The following LHFPL4 variants were observed in gnomAD, a reference collection of about 807,000 sequenced individuals.
The protein encoded by LHFPL4 is LHFPL tetraspan subfamily member 4 protein.
Under a neutral mutation model 20.0 loss-of-function variants are expected in LHFPL4, and 6 were observed. The ratio of observed to expected loss-of-function variants is 0.30; its 90% CI spans 0.16 to 0.59. The LOEUF is 0.59. Ranked by LOEUF, LHFPL4 falls within the 20% of genes least tolerant of loss-of-function variation. The pLI, the probability that LHFPL4 is intolerant of heterozygous loss-of-function variation, is 0.88. For missense variants in LHFPL4, 215 were observed against 331.2 expected, an observed-to-expected ratio of 0.65 and a Z score of 2.72; for synonymous variants, 129 against 143.8, an observed-to-expected ratio of 0.90 and a Z score of 0.74.
intron 2 of LHFPL4, among the ~76,000 whole-genome samples, chr3:9,533,711 A>G (rs2046426157): frequency 6.6e-6 from 1 of 152,086 alleles, no homozygotes; most frequent in African/African-American, 2.4e-5. Flanking sequence ...GAACCTGGGA[A>G]GCGGAGCTTG....
intron 2 of LHFPL4, among the ~76,000 whole-genome samples, chr3:9,509,636 A>C (rs546682917): frequency 2.6e-5 from 4 of 152,308 alleles, no homozygotes; most frequent in African/African-American, 9.6e-5. Context: ...CACCCACAAT[A>C]ACAGGGGTAC....
At chr3:9,526,981 G>A (rs1043256231) in intron 2 of LHFPL4, among the ~76,000 whole-genome samples, 4 of 151,986 alleles carry the variant, frequency 2.6e-5, no homozygotes, top group African/African-American at 9.7e-5. Context: ...TAAATTTCAT[G>A]TACATGTATT....
chr3:9,540,018 C>T (rs2046467760), intron 2 of LHFPL4, among the ~76,000 whole-genome samples: 1 of 152,146 alleles, frequency 6.6e-6, no homozygotes, highest in Non-Finnish European at 1.5e-5. Flanking sequence ...TAACTTTGTA[C>T]AACGTCTGTG....
chr3:9,504,381 GA>G lies in LHFPL4; in HGVS notation c.643+1585del, dbSNP rs59021970. 5.5e-3 allele frequency among the ~76,000 whole-genome samples: 761 copies of G among 138,980 alleles called. 14 individuals are homozygous for G. The highest frequency in any genetic ancestry group is 0.05 in the East Asian group (234 of 4,720). The allele number at this position is 138,980 out of a possible 152,430, so 91.2% of individuals were successfully genotyped here. On this transcript the variant is annotated intron_variant, in intron 3 of 3. Coordinates refer to ENST00000287585, the MANE Select transcript of LHFPL4 (RefSeq NM_198560.3). ...CAACTGAGCAAGACACTGTCTCAAG[GA>G]AAAAAAAAAAAAAGGACTCTAACGC...
chr3:9,540,705 C>A lies in LHFPL4; in HGVS notation c.406+11569G>T, dbSNP rs140102505. Among the ~76,000 whole-genome samples, 388 of 150,086 alleles carry A rather than the reference C, an allele frequency of 2.6e-3. 5 individuals carry two copies. Among genetic ancestry groups the A allele is most frequent in the African/African-American group, 9.0e-3 (366 of 40,740 alleles). ...CTCAGGAAGTTGAGACCAGCCTGGG[C>A]AACATAGCAAGAATCTGTCTTTTCA... On this transcript the variant is annotated intron_variant, in intron 2 of 3. Transcript: ENST00000287585.
At chr3:9,538,717 T>C (rs898693332) in intron 2 of LHFPL4, among the ~76,000 whole-genome samples, 2 of 147,558 alleles carry the variant, frequency 1.4e-5, no homozygotes, top group South Asian at 2.1e-4. Flanking sequence ...TTTTTTTTTT[T>C]AGACAGAGTC....
intron 2 of LHFPL4, among the ~76,000 whole-genome samples, chr3:9,543,227 C>A (rs573618404): frequency 2.0e-5 from 3 of 152,006 alleles, no homozygotes; most frequent in Admixed American, 6.6e-5. Flanking sequence ...CTCGGCCGGG[C>A]ATGGTGGCTC....
rs1207150111 is a variant in LHFPL4 at position 9,552,781 on chromosome 3, AGC to A, written c.-104_-103del. On this transcript the variant is annotated 5_prime_UTR_variant, in exon 2 of 4. Coordinates refer to ENST00000287585, the MANE Select transcript of LHFPL4 (RefSeq NM_198560.3). ...GCGGGAGCTGGGGACGCACGCGAGA[AGC>A]GGCCCTGAGTCAAGGAACCCGCGAG... 1.9e-5 allele frequency: 12 copies of A among 643,680 alleles called. No homozygotes were observed. The highest frequency in any genetic ancestry group is 4.0e-5 in the African/African-American group (2 of 50,162). The allele number at this position is 643,680 out of a possible 1,614,324, so 39.9% of individuals were successfully genotyped here. A position where few individuals can be genotyped will look rare whatever the true frequency, so the allele number is the denominator to read the frequency against.
chr3:9,519,322 G>A (rs938945768), intron 2 of LHFPL4, among the ~76,000 whole-genome samples: 13 of 151,668 alleles, frequency 8.6e-5, no homozygotes, highest in South Asian at 2.1e-4. Flanking sequence ...TGATCCACCC[G>A]CCTCAGCCTC....
At chr3:9,503,992 C>T (rs1011414966) in intron 3 of LHFPL4, among the ~76,000 whole-genome samples, 1 of 152,172 alleles carries the variant, frequency 6.6e-6, no homozygotes, top group African/African-American at 2.4e-5. Flanking sequence ...CACCACTGCA[C>T]TCCAGCCTGA....
intron 2 of LHFPL4, among the ~76,000 whole-genome samples, chr3:9,538,791 C>T (rs1441900719): frequency 6.6e-6 from 1 of 151,822 alleles, no homozygotes; most frequent in African/African-American, 2.4e-5. Context: ...CTCCGCCTCC[C>T]TGGTTCAAGG....
intron 2 of LHFPL4, among the ~76,000 whole-genome samples, chr3:9,507,451 T>A (rs2046226624): frequency 6.6e-6 from 1 of 152,238 alleles, no homozygotes; most frequent in East Asian, 1.9e-4. Context: ...CAAGTGGTTG[T>A]AAAGATTATG....
intron 2 of LHFPL4, among the ~76,000 whole-genome samples, chr3:9,545,467 C>T (rs1303296719): frequency 6.6e-6 from 1 of 152,108 alleles, no homozygotes; most frequent in Non-Finnish European, 1.5e-5. Flanking sequence ...TCACTTAAGG[C>T]CAAGAGTTGA....
At chr3:9,511,427 C>A (rs1333182633) in intron 2 of LHFPL4, among the ~76,000 whole-genome samples, 1 of 151,938 alleles carries the variant, frequency 6.6e-6, no homozygotes, top group Non-Finnish European at 1.5e-5. Context: ...GGCTCAGAGG[C>A]ACCAGGTGTC....
intron 2 of LHFPL4, among the ~76,000 whole-genome samples, chr3:9,549,186 C>A (rs1329494358): frequency 6.6e-6 from 1 of 152,120 alleles, no homozygotes; most frequent in Admixed American, 6.6e-5. Context: ...AGTGACGTAA[C>A]TAGACAGTAT....
intron 2 of LHFPL4, among the ~76,000 whole-genome samples, chr3:9,531,167 T>G (rs1452232134): frequency 6.6e-6 from 1 of 152,176 alleles, no homozygotes; most frequent in Admixed American, 6.5e-5. Context: ...CAAAGATCAC[T>G]GATCACAGAT....
intron 2 of LHFPL4, among the ~76,000 whole-genome samples, chr3:9,539,330 C>T (rs985544539): frequency 1.4e-4 from 21 of 151,854 alleles, no homozygotes; most frequent in African/African-American, 4.8e-4. Context: ...TGGTGGGCGC[C>T]TGTAGTCCCA....
At chr3:9,504,626 C>A (rs1163988651) in intron 3 of LHFPL4, among the ~76,000 whole-genome samples, 2 of 152,074 alleles carry the variant, frequency 1.3e-5, no homozygotes, top group Non-Finnish European at 2.9e-5. Flanking sequence ...AAGATCGAGA[C>A]CATCCTGGCT....
chr3:9,519,321 C>T (rs555685558), intron 2 of LHFPL4, among the ~76,000 whole-genome samples: 12 of 151,478 alleles, frequency 7.9e-5, no homozygotes, highest in South Asian at 4.2e-4. Context: ...GTGATCCACC[C>T]GCCTCAGCCT....
Sources: allele counts gnomAD v4.1 joint callset (sites outside exome capture counted in the v4.1 genomes callset), GRCh38; gene constraint gnomAD v4.1.1; transcripts MANE v1.5; gene names NCBI Gene and HGNC (gene_info 2026-07-23, HGNC 2026-07-21).